The following PRKCZ variants were observed in gnomAD, a reference collection of about 807,000 sequenced individuals.
PRKCZ encodes the protein protein kinase C zeta.
In PRKCZ, 33 loss-of-function variants were observed where a neutral mutation model predicts 79.5. That is an observed-to-expected ratio of 0.41 (90% CI 0.31 to 0.55). The LOEUF is 0.55. Among genes scored for constraint, PRKCZ ranks in the 20% least tolerant of loss-of-function variants. The pLI, the probability that PRKCZ is intolerant of heterozygous loss-of-function variation, is 0.19. For synonymous variants in PRKCZ, 342 were observed against 320.9 expected (o/e 1.07, Z -0.70); for missense variants, 578 against 813.5 (o/e 0.71, Z 3.52).
chr1:2,061,242 T>G (rs1006783783), intron 4 of PRKCZ, among the ~76,000 whole-genome samples: 1 of 152,218 alleles, frequency 6.6e-6, no homozygotes, highest in African/African-American at 2.4e-5. Context: ...GCCCACCGTA[T>G]TTCTCCGACA....
intron 4 of PRKCZ, among the ~76,000 whole-genome samples, chr1:2,101,177 T>G (rs1667382800): frequency 6.6e-6 from 1 of 152,214 alleles, no homozygotes; most frequent in African/African-American, 2.4e-5. Flanking sequence ...AACTGGAGAC[T>G]TTATTCCCAT....
At chr1:2,159,014 C>T (rs1681681662) in intron 10 of PRKCZ, among the ~76,000 whole-genome samples, 1 of 152,166 alleles carries the variant, frequency 6.6e-6, no homozygotes, top group Admixed American at 6.5e-5. Flanking sequence ...CAACTTCCAC[C>T]TCCCTGGTTC....
chr1:2,093,318 C>T (rs1665845523), intron 4 of PRKCZ, among the ~76,000 whole-genome samples: 3 of 152,190 alleles, frequency 2.0e-5, no homozygotes, highest in African/African-American at 7.2e-5. Flanking sequence ...CCCCTGGCCC[C>T]AGCCTTGCTC....
chr1:2,172,381 G>A lies in PRKCZ; in HGVS notation c.1278G>A (p.Glu426=). 3.7e-6 allele frequency: 6 copies of A among 1,612,672 alleles called. No homozygotes were observed. The highest frequency in any genetic ancestry group is 5.1e-6 in the Non-Finnish European group (6 of 1,179,686). The change falls in exon 13 of 18, where the codon GAG becomes GAA. Residue 426 remains glutamate (E), a synonymous_variant. Coordinates refer to ENST00000378567, the MANE Select transcript of PRKCZ (RefSeq NM_002744.6). The surrounding 1 kb of genome is among the most constrained non-coding windows in gnomAD (Gnocchi z 7.8). The part of the protein sequence containing the change: ...NYIAPEILRG[E]EYGFSVDWWA... ...TCGCCCCCGAAATCCTGCGGGGAGA[G>A]GAGTACGGTGAGTGCCGCTGCCCTG...
intron 4 of PRKCZ, chr1:2,135,054 C>T (rs1299094368): frequency 8.3e-6 from 4 of 480,874 alleles, no homozygotes; most frequent in Non-Finnish European, 1.5e-5. Context: ...CCTCTGTCTC[C>T]AGCCGCCGAG....
At chr1:2,064,284 T>C (rs1263561446) in intron 4 of PRKCZ, among the ~76,000 whole-genome samples, 2 of 152,384 alleles carry the variant, frequency 1.3e-5, no homozygotes, top group Admixed American at 6.5e-5. Context: ...AGCAGATATA[T>C]GATTAGCAAA....
chr1:2,051,497 A>G (rs1057170612), intron 1 of PRKCZ, among the ~76,000 whole-genome samples: 1 of 152,310 alleles, frequency 6.6e-6, no homozygotes, highest in East Asian at 1.9e-4. Flanking sequence ...GGAGCCCCGA[A>G]CTGGGACCTC....
intron 4 of PRKCZ, among the ~76,000 whole-genome samples, chr1:2,079,734 G>A (rs972841650): frequency 1.3e-5 from 2 of 152,250 alleles, no homozygotes; most frequent in South Asian, 2.1e-4. Flanking sequence ...CTTTGGCCTC[G>A]TACTCAGCTG....
chr1:2,072,606 C>A (rs550902458), intron 4 of PRKCZ, among the ~76,000 whole-genome samples: 1 of 152,026 alleles, frequency 6.6e-6, no homozygotes, highest in African/African-American at 2.4e-5. Flanking sequence ...GCCCCTGGGG[C>A]GACTGGGGGC....
At chr1:2,176,839 C>G (rs2100444439) in intron 16 of PRKCZ, among the ~76,000 whole-genome samples, 1 of 152,310 alleles carries the variant, frequency 6.6e-6, no homozygotes, top group South Asian at 2.1e-4. Context: ...TCAGAACGTG[C>G]CCACACCCCT....
intron 6 of PRKCZ, chr1:2,144,598 C>T (rs758068134): frequency 4.3e-5 from 58 of 1,335,238 alleles, no homozygotes; most frequent in Non-Finnish European, 5.1e-5. Context: ...GGACGTGGTA[C>T]GCTCTGCTCA....
At chr1:2,079,826 C>T (rs1014517018) in intron 4 of PRKCZ, among the ~76,000 whole-genome samples, 2 of 152,278 alleles carry the variant, frequency 1.3e-5, no homozygotes, top group East Asian at 1.9e-4. Context: ...TGTCTGCCCA[C>T]ATTGACTCGT....
chr1:2,161,975 G>A (rs1006642088), intron 10 of PRKCZ, among the ~76,000 whole-genome samples: 6 of 151,884 alleles, frequency 4.0e-5, no homozygotes, highest in African/African-American at 1.5e-4. Flanking sequence ...CCATTTTAAC[G>A]TGCAGGAAAG....
At chr1:2,133,341 T>G (rs1052596918) in intron 4 of PRKCZ, among the ~76,000 whole-genome samples, 1 of 141,498 alleles carries the variant, frequency 7.1e-6, no homozygotes. Flanking sequence ...CCGCCCCCAG[T>G]TGCTCGTCGG....
chr1:2,148,993 G>C, intron 8 of PRKCZ, 69 bp downstream of exon 8: 1 of 1,519,358 alleles, frequency 6.6e-7, no homozygotes, highest in Non-Finnish European at 9.1e-7. Context: ...TGTCTCTGGG[G>C]TAGTCACGGA....
At chr1:2,055,964 G>A (rs1660120066) in intron 2 of PRKCZ, 3 of 195,870 alleles carry the variant, frequency 1.5e-5, no homozygotes, top group African/African-American at 2.3e-5. Context: ...TCCACCTCCT[G>A]TCTCTTAGAC....
intron 4 of PRKCZ, among the ~76,000 whole-genome samples, chr1:2,133,016 G>A (rs1048641381): frequency 6.6e-6 from 1 of 152,220 alleles, no homozygotes; most frequent in African/African-American, 2.4e-5. Context: ...GACTGGGGAC[G>A]CCGGGCTGTG....
At chr1:2,065,409 T>A (rs1661038075) in intron 4 of PRKCZ, among the ~76,000 whole-genome samples, 1 of 152,134 alleles carries the variant, frequency 6.6e-6, no homozygotes, top group Admixed American at 6.5e-5. Context: ...CCGGGCGCGG[T>A]GGCTCACGCC....
At position 2,173,277 on chromosome 1, in the gene PRKCZ, C is replaced by T. The variant is rs1421042032; in HGVS notation, c.1286-620C>T. Among the ~76,000 whole-genome samples the T allele has an allele frequency of 6.6e-6, 1 of 152,158 alleles. No homozygotes were observed. Among genetic ancestry groups the T allele is most frequent in the African/African-American group, 2.4e-5 (1 of 41,446 alleles). ...GGAAGTCTCAGTAGCCAGAGAAGGA[C>T]AGACAGCAGATTGGAGGACTGGAAT... On this transcript the variant is annotated intron_variant, in intron 13 of 17. Transcript: ENST00000378567. This position sits in a 1 kb window ranked among gnomAD's most constrained non-coding sequence, Gnocchi z 5.7.
Sources: gnomAD v4.1 joint callset for allele counts (sites outside exome capture counted in the v4.1 genomes callset) on GRCh38, gnomAD v4.1.1 for gene constraint, Gnocchi (gnomAD v3.1) non-coding constraint, MANE v1.5 for transcripts, NCBI Gene and HGNC (gene_info 2026-07-23, HGNC 2026-07-21) for gene names.